Variants in COL4A1 observed in about 807,000 individuals in gnomAD.
COL4A1 encodes the protein collagen alpha-1(IV) chain.
A neutral mutation model predicts 216.6 loss-of-function variants in COL4A1; 40 were observed. The ratio of observed to expected loss-of-function variants is 0.18; its 90% CI spans 0.14 to 0.24. The LOEUF is 0.24. Among genes scored for constraint, COL4A1 ranks in the 10% least tolerant of loss-of-function variants. The pLI, the probability that COL4A1 is intolerant of heterozygous loss-of-function variation, is 1.00. For missense variants in COL4A1, 1,628 were observed against 2,196.8 expected (o/e 0.74, Z 5.18); for synonymous variants, 839 against 810.7 (o/e 1.03, Z -0.59).
In COL4A1 at chr13:110,307,140, G is replaced by A; in HGVS notation, c.-113C>T. 1.2e-6 allele frequency: 1 copy of A among 846,104 alleles called. No individual in the cohort carries two copies. Among genetic ancestry groups the A allele is most frequent in the Non-Finnish European group, 1.7e-6 (1 of 604,846 alleles). 52.4% of individuals were successfully genotyped at this position (846,104 alleles called of 1,614,324 possible). ...CGCTACGCACCGTCCCGGGTGCGGC[G>A]GCTCCAAGCGGAGACCTGAGCGCGG... On this transcript the variant is annotated 5_prime_UTR_variant, in exon 1 of 52. Transcript: ENST00000375820. The surrounding 1 kb of genome is among the most constrained non-coding windows in gnomAD (Gnocchi z 5.0).
chr13:110,191,686 T>C, intron 24 of COL4A1: 1 of 671,072 alleles, frequency 1.5e-6, no homozygotes, highest in South Asian at 1.6e-5. Flanking sequence ...TTTTCAACTG[T>C]AAGAAGAAGA....
At position 110,150,329 on chromosome 13, in the gene COL4A1, C is replaced by T; in HGVS notation, c.*34G>A. The T allele has an allele frequency of 6.3e-7, 1 of 1,591,676 alleles. No homozygotes were observed. The highest frequency in any genetic ancestry group is 8.6e-7 in the Non-Finnish European group (1 of 1,162,168). ...TGTTAACAAAAAGAAGAAGAAGTAG[C>T]ACCATGTTGTGACATTAGCTGAGTC... On this transcript the variant is annotated 3_prime_UTR_variant, in exon 52 of 52. Transcript: ENST00000375820.
intron 24 of COL4A1, among the ~76,000 whole-genome samples, chr13:110,189,743 CCTCCT>C (rs1445882664): frequency 6.6e-6 from 1 of 152,174 alleles, no homozygotes; most frequent in African/African-American, 2.4e-5. Flanking sequence ...CTAAAATTAG[CCTCCT>C]CTATGCGGCC....
At chr13:110,286,702 G>A (rs1309227179) in intron 1 of COL4A1, among the ~76,000 whole-genome samples, 4 of 152,202 alleles carry the variant, frequency 2.6e-5, no homozygotes, top group Non-Finnish European at 4.4e-5. Flanking sequence ...AACAAACCAT[G>A]AGCCCCGGCT....
Position 110,201,529 on chromosome 13 carries a change from C to G in COL4A1, c.1000-7G>C, listed in dbSNP as rs762670280. On this transcript the variant is annotated splice_region_variant and splice_polypyrimidine_tract_variant and intron_variant, in intron 18 of 51. Transcript: ENST00000375820. ...AAGGTCCTGTGCCTATAACCTGAAT[C>G]GAGAAGGAAAAGGTGATCATCCCGT... 9.3e-6 allele frequency: 15 copies of G among 1,613,700 alleles called. No individual in the cohort carries two copies. Among genetic ancestry groups the G allele is most frequent in the South Asian group, 2.2e-5 (2 of 91,064 alleles).
At chr13:110,170,425 T>C in intron 42 of COL4A1, 122 bp downstream of exon 42, 4 of 1,086,220 alleles carry the variant, frequency 3.7e-6, no homozygotes, top group East Asian at 2.6e-5. Context: ...CAAGCTGTAA[T>C]AAATGCTGCA....
intron 1 of COL4A1, among the ~76,000 whole-genome samples, chr13:110,258,539 C>T (rs1882678019): frequency 6.7e-6 from 1 of 148,642 alleles, no homozygotes; most frequent in Admixed American, 6.7e-5. Context: ...GACTTCATCT[C>T]AAAAAAAAAG....
At chr13:110,286,101 C>T (rs1464445048) in intron 1 of COL4A1, among the ~76,000 whole-genome samples, 8 of 152,176 alleles carry the variant, frequency 5.3e-5, no homozygotes, top group Admixed American at 4.6e-4. Flanking sequence ...AGGGAAAGGA[C>T]TGGATACGGG....
intron 1 of COL4A1, among the ~76,000 whole-genome samples, chr13:110,257,262 G>A (rs1417424972): frequency 6.6e-6 from 1 of 152,148 alleles, no homozygotes; most frequent in Non-Finnish European, 1.5e-5. Context: ...ACGAACATGT[G>A]GAAGAGATCC....
At chr13:110,218,514 G>T (rs1880204626) in intron 2 of COL4A1, among the ~76,000 whole-genome samples, 2 of 152,142 alleles carry the variant, frequency 1.3e-5, no homozygotes, top group African/African-American at 4.8e-5. Context: ...CTTCTTCACA[G>T]GCAATGAAAT....
At chr13:110,226,073 C>G (rs191211626) in intron 2 of COL4A1, among the ~76,000 whole-genome samples, 2 of 152,344 alleles carry the variant, frequency 1.3e-5, no homozygotes, top group East Asian at 3.9e-4. Context: ...TGCATTTCCT[C>G]TGAAGCCACA....
intron 22 of COL4A1, among the ~76,000 whole-genome samples, chr13:110,193,894 G>A (rs1878758451): frequency 6.6e-6 from 1 of 152,216 alleles, no homozygotes; most frequent in Non-Finnish European, 1.5e-5. Context: ...TCGTGGGTGT[G>A]TCTGTTCGCA....
chr13:110,299,363 T>C (rs1048019063), intron 1 of COL4A1, among the ~76,000 whole-genome samples: 5 of 152,234 alleles, frequency 3.3e-5, no homozygotes, highest in Admixed American at 6.5e-5. Context: ...TGAGCTCATG[T>C]TGGACAACGG....
chr13:110,167,552 C>T (rs955166959), intron 43 of COL4A1, among the ~76,000 whole-genome samples: 17 of 152,188 alleles, frequency 1.1e-4, no homozygotes, highest in African/African-American at 3.6e-4. Context: ...TAGACAGAGC[C>T]AGGGCCCCCT....
chr13:110,150,529 C>G, intron 51 of COL4A1, 85 bp from the exon 52 acceptor site: 4 of 1,368,214 alleles, frequency 2.9e-6, no homozygotes, highest in Non-Finnish European at 4.1e-6. Flanking sequence ...TCGGAAATCT[C>G]TAAGGGATCA....
intron 51 of COL4A1, among the ~76,000 whole-genome samples, chr13:110,151,033 T>C (rs1339261183): frequency 6.6e-6 from 1 of 152,216 alleles, no homozygotes; most frequent in East Asian, 1.9e-4. Context: ...CCCAAGTGTT[T>C]CTCAAGCTTA....
chr13:110,305,116 A>C (rs1225124078), intron 1 of COL4A1, among the ~76,000 whole-genome samples: 1 of 152,242 alleles, frequency 6.6e-6, no homozygotes, highest in East Asian at 1.9e-4. Context: ...TCATCTGCAC[A>C]TTAAGCACTT....
chr13:110,188,520 GGAAGAAGCTGATACTCAAA>G (rs1443838814), intron 24 of COL4A1, among the ~76,000 whole-genome samples: 2 of 152,198 alleles, frequency 1.3e-5, no homozygotes, highest in Admixed American at 6.5e-5. Flanking sequence ...ACATAGCAGA[GGAAGAAGCTGATACTCAAA>G]GAAGTGAGCT....
intron 51 of COL4A1, 24 bp from the exon 52 acceptor site, chr13:110,150,468 C>A (rs1169832438): frequency 3.7e-6 from 6 of 1,610,414 alleles, no homozygotes; most frequent in Non-Finnish European, 5.1e-6. Flanking sequence ...CAGAGACAGA[C>A]CATTGGCCAT....
Sources: allele counts gnomAD v4.1 joint callset (sites outside exome capture counted in the v4.1 genomes callset), GRCh38; gene constraint gnomAD v4.1.1; non-coding constraint Gnocchi (gnomAD v3.1); transcripts MANE v1.5; gene names NCBI Gene and HGNC (gene_info 2026-07-23, HGNC 2026-07-21).